TIAM2: variants seen among roughly 807,000 people sequenced by gnomAD.
TIAM2 encodes rho guanine nucleotide exchange factor TIAM2.
TIAM2 carries 80 observed loss-of-function variants against 152.9 expected under a neutral mutation model. The observed-to-expected ratio is 0.52, with a 90% confidence interval of 0.44 to 0.63. The LOEUF (loss-of-function observed/expected upper bound fraction) is 0.63, where lower values mean the gene tolerates loss of function less well. Ranked by LOEUF, TIAM2 falls within the 30% of genes least tolerant of loss-of-function variation. The pLI is 0.00. For missense variants in TIAM2, 1,965 were observed against 2,120.1 expected, an observed-to-expected ratio of 0.93 and a Z score of 1.44; for synonymous variants, 804 against 838.0, an observed-to-expected ratio of 0.96 and a Z score of 0.70.
intron 1 of TIAM2, among the ~76,000 whole-genome samples, chr6:154,999,450 A>T (rs574993594): frequency 1.1e-3 from 174 of 152,192 alleles, no homozygotes; most frequent in African/African-American, 3.8e-3. Context: ...CAGGTGATCC[A>T]CCTGCCTCGG....
chr6:155,182,405 T>C, intron 13 of TIAM2, 87 bp downstream of exon 13: 6 of 1,208,464 alleles, frequency 5.0e-6, no homozygotes, highest in Non-Finnish European at 7.1e-6. Flanking sequence ...TCTTACAGTT[T>C]TGTCAGAAAA....
At chr6:155,228,953 G>A (rs1380585627) in intron 15 of TIAM2, among the ~76,000 whole-genome samples, 1 of 152,188 alleles carries the variant, frequency 6.6e-6, no homozygotes, top group Non-Finnish European at 1.5e-5. Flanking sequence ...TCCTGGGCAT[G>A]CCCCCTAGGC....
intron 1 of TIAM2, among the ~76,000 whole-genome samples, chr6:155,020,796 A>G (rs561912433): frequency 1.3e-5 from 2 of 152,214 alleles, no homozygotes; most frequent in South Asian, 2.1e-4. Context: ...AGTTGAGTAC[A>G]TTCACATTAT....
chr6:155,055,429 A>G (rs979021359), intron 1 of TIAM2, among the ~76,000 whole-genome samples: 11 of 152,208 alleles, frequency 7.2e-5, no homozygotes, highest in African/African-American at 2.7e-4. Flanking sequence ...AATATATTCT[A>G]TTATCATGTT....
chr6:155,197,448 T>C (rs950473135), intron 14 of TIAM2, among the ~76,000 whole-genome samples: 10 of 152,292 alleles, frequency 6.6e-5, no homozygotes, highest in South Asian at 2.1e-4. Flanking sequence ...GCCTAGCTTT[T>C]CTAAGCTTAA....
At chr6:154,998,021 C>A (rs9322494) in intron 1 of TIAM2, among the ~76,000 whole-genome samples, 32,096 of 151,998 alleles carry the variant, frequency 0.21, 3,836 homozygotes, top group East Asian at 0.38. Flanking sequence ...ATACAGAAAT[C>A]TGCTTCAGTT....
chr6:155,107,660 C>A (rs1383157166), intron 2 of TIAM2, among the ~76,000 whole-genome samples: 2 of 152,172 alleles, frequency 1.3e-5, no homozygotes, highest in Admixed American at 1.3e-4. Context: ...AGTTTCTTTT[C>A]AAACTTGTAA....
chr6:155,033,877 C>G (rs540865543), intron 1 of TIAM2, among the ~76,000 whole-genome samples: 1 of 151,894 alleles, frequency 6.6e-6, no homozygotes, highest in Non-Finnish European at 1.5e-5. Flanking sequence ...CCACCACACC[C>G]GGCTAATTTT....
At position 155,045,607 on chromosome 6, in the gene TIAM2, A is replaced by AT. The variant is rs1346738448; in HGVS notation, c.-208-44681dup. Reference sequence around the variant, plus strand: ...TTTGTTTTACTGAATTAAGAACTCCATAGATAAATTGGGAGGGTTCCATTT... The same window carrying AT: ...TTTGTTTTACTGAATTAAGAACTCCATTAGATAAATTGGGAGGGTTCCATTT... On this transcript the variant is annotated intron_variant, in intron 1 of 26. Transcript: ENST00000682666. 2.6e-5 allele frequency among the ~76,000 whole-genome samples: 4 copies of AT among 152,218 alleles called. No individual in the cohort carries two copies. The East Asian group carries it at 7.7e-4, about 29-fold the overall frequency.
intron 1 of TIAM2, chr6:155,022,454 C>T (rs1001448903): frequency 2.6e-5 from 4 of 152,262 alleles, no homozygotes; most frequent in African/African-American, 4.8e-5. Flanking sequence ...TGTGCACCAC[C>T]ATGCCCTGCT....
At chr6:155,047,112 G>A (rs768062162) in intron 1 of TIAM2, among the ~76,000 whole-genome samples, 2 of 152,240 alleles carry the variant, frequency 1.3e-5, no homozygotes, top group Middle Eastern at 3.4e-3. Context: ...TCCCCTCAGC[G>A]TTTCCTTGTC....
At position 155,252,101 on chromosome 6, in the gene TIAM2, T is replaced by C. The variant is rs1160458106; in HGVS notation, c.4119+98T>C. On this transcript the variant is annotated intron_variant, in intron 23 of 26. Coordinates refer to ENST00000682666, the MANE Select transcript of TIAM2 (RefSeq NM_012454.4). ...AGCCCACTGAGCACCAAGGCTGGGC[T>C]GACTGATACTGCTTACTCTGAGGGT... 6 of 867,236 alleles carry C rather than the reference T, an allele frequency of 6.9e-6. No homozygotes were observed. In the Admixed American group the frequency reaches 7.7e-5, roughly 11 times the overall value. The allele number at this position is 867,236 out of a possible 1,614,324, so 53.7% of individuals were successfully genotyped here.
chr6:155,109,076 T>C (rs1023958515), intron 2 of TIAM2, among the ~76,000 whole-genome samples: 3 of 152,126 alleles, frequency 2.0e-5, no homozygotes, highest in Non-Finnish European at 2.9e-5. Flanking sequence ...CTCCGCCTCC[T>C]GGGTTCACAC....
intron 1 of TIAM2, among the ~76,000 whole-genome samples, chr6:155,066,931 A>G (rs1029949744): frequency 2.0e-5 from 3 of 151,948 alleles, no homozygotes; most frequent in African/African-American, 7.3e-5. Flanking sequence ...AATTTTTTGT[A>G]TTTTTAATAG....
At chr6:155,041,353 G>C (rs1271488951) in intron 1 of TIAM2, among the ~76,000 whole-genome samples, 1 of 151,576 alleles carries the variant, frequency 6.6e-6, no homozygotes, top group Non-Finnish European at 1.5e-5. Flanking sequence ...TTAGTCCTTG[G>C]AGAAATGAGA....
At chr6:155,123,735 C>T (rs1779227066) in intron 2 of TIAM2, among the ~76,000 whole-genome samples, 1 of 152,146 alleles carries the variant, frequency 6.6e-6, no homozygotes, top group Non-Finnish European at 1.5e-5. Flanking sequence ...AGCTCAGGGC[C>T]TGTGCTGTGT....
chr6:155,065,408 T>C (rs568384278), intron 1 of TIAM2, among the ~76,000 whole-genome samples: 2 of 152,194 alleles, frequency 1.3e-5, no homozygotes, highest in African/African-American at 4.8e-5. Flanking sequence ...CTGTTTTTCT[T>C]AATACAAAAG....
intron 18 of TIAM2, 55 bp from the exon 19 acceptor site, chr6:155,245,568 C>T: frequency 7.0e-7 from 1 of 1,429,916 alleles, no homozygotes; most frequent in South Asian, 1.2e-5. Context: ...ATGCCATAAG[C>T]CAGCACGCAT....
In TIAM2 at chr6:155,137,282, G is replaced by A. The variant is rs1327159286; in HGVS notation, c.1300G>A (p.Gly434Ser). The A allele has an allele frequency of 1.2e-6, 2 of 1,614,218 alleles. No homozygotes were observed. The highest frequency in any genetic ancestry group is 1.3e-5 in the African/African-American group (1 of 75,052). ...GGCATCTGCTTTTCTGTGGTCAGGG[G>A]GCTCTACTCAGATCCTGTCTCAGAG... ...SQASAFLWSG[G>S]STQILSQRSE... Residue 434 changes from glycine (G) to serine (S), a missense_variant, in exon 5 of 27, where the codon GGC becomes AGC. Gly to Ser is a moderately conservative substitution (Grantham distance 56). Around this residue, in one of 3 missense-constraint regions of TIAM2, gnomAD observed 1,025 missense variants for 1,119.4 expected, o/e 0.92. Coordinates refer to ENST00000682666, the MANE Select transcript of TIAM2 (RefSeq NM_012454.4).
Sources: allele counts gnomAD v4.1 joint callset (sites outside exome capture counted in the v4.1 genomes callset), GRCh38; gene constraint gnomAD v4.1.1; regional missense constraint gnomAD v4.1.1; transcripts MANE v1.5; gene names NCBI Gene and HGNC (gene_info 2026-07-23, HGNC 2026-07-21).